Variants in MND1 observed in about 807,000 individuals in gnomAD.
MND1 encodes the protein meiotic nuclear divisions 1.
MND1 carries 28 observed loss-of-function variants against 35.1 expected under a neutral mutation model. The ratio of observed to expected loss-of-function variants is 0.80; its 90% CI spans 0.59 to 1.09. MND1 has a LOEUF of 1.09. MND1 is among the 50% of genes least tolerant of loss of function. MND1 has a pLI of 0.00. For synonymous variants in MND1, 69 were observed against 70.5 expected, an observed-to-expected ratio of 0.98 and a Z score of 0.11; for missense variants, 213 against 239.6, an observed-to-expected ratio of 0.89 and a Z score of 0.73.
chr4:153,371,252 A>G (rs115881541), intron 4 of MND1, among the ~76,000 whole-genome samples: 1 of 152,020 alleles, frequency 6.6e-6, no homozygotes, highest in East Asian at 1.9e-4. Flanking sequence ...TAGGGTTTTC[A>G]TTGAGCATTG....
chr4:153,358,042 T>C (rs1048131506), intron 3 of MND1, among the ~76,000 whole-genome samples: 2 of 152,204 alleles, frequency 1.3e-5, no homozygotes, highest in Admixed American at 6.5e-5. Flanking sequence ...TTCTGTAGTT[T>C]TGTTTTGCTT....
chr4:153,404,449 G>A lies in MND1; in HGVS notation c.467-4522G>A, dbSNP rs754128836. Reference sequence around the variant, plus strand: ...TTCGTGATCTGCCCGCCTCAGCCTCGCAAAGTTTGCGATTACAGGTGTGAG... The same window carrying A: ...TTCGTGATCTGCCCGCCTCAGCCTCACAAAGTTTGCGATTACAGGTGTGAG... On this transcript the variant is annotated intron_variant, in intron 6 of 7. Transcript: ENST00000240488. 9.4e-5 allele frequency among the ~76,000 whole-genome samples: 13 copies of A among 138,636 alleles called. No homozygotes were observed. In the South Asian group the frequency reaches 9.5e-4, roughly 10 times the overall value. The allele number at this position is 138,636 out of a possible 152,430, so 91.0% of individuals were successfully genotyped here.
intron 4 of MND1, among the ~76,000 whole-genome samples, chr4:153,392,327 G>A (rs1443634704): frequency 6.6e-6 from 1 of 151,946 alleles, no homozygotes. Flanking sequence ...GGATGGTCTC[G>A]ATCTCCTGAC....
intron 4 of MND1, among the ~76,000 whole-genome samples, chr4:153,378,856 A>G (rs1728582585): frequency 1.3e-5 from 2 of 152,208 alleles, no homozygotes; most frequent in South Asian, 4.1e-4. Flanking sequence ...CTCCCTTCTT[A>G]TAAGGGACTT....
At chr4:153,350,938 G>C (rs1011724433) in intron 2 of MND1, among the ~76,000 whole-genome samples, 15 of 140,728 alleles carry the variant, frequency 1.1e-4, no homozygotes, top group Admixed American at 1.1e-3. Flanking sequence ...TTCACTTTAA[G>C]GCAGATTCTT....
At chr4:153,365,830 C>A (rs559336361) in intron 4 of MND1, among the ~76,000 whole-genome samples, 15 of 151,992 alleles carry the variant, frequency 9.9e-5, no homozygotes, top group Non-Finnish European at 4.4e-5. Context: ...GGATTCTGGA[C>A]GTAGTTTGAA....
At chr4:153,404,053 GA>G (rs1729417277) in intron 6 of MND1, among the ~76,000 whole-genome samples, 1 of 151,674 alleles carries the variant, frequency 6.6e-6, no homozygotes, top group Non-Finnish European at 1.5e-5. Context: ...ACACTGGAGT[GA>G]AAATGTTTCA....
At chr4:153,404,893 A>AT (rs550516575) in intron 6 of MND1, among the ~76,000 whole-genome samples, 21 of 150,004 alleles carry the variant, frequency 1.4e-4, no homozygotes, top group Admixed American at 2.7e-4. Context: ...CACCTGGCTA[A>AT]TTTTTTTTTT....
intron 4 of MND1, among the ~76,000 whole-genome samples, chr4:153,369,381 A>G (rs1012239558): frequency 1.3e-5 from 2 of 152,224 alleles, no homozygotes; most frequent in Non-Finnish European, 2.9e-5. Flanking sequence ...GAGATTACAC[A>G]TGAGCATAAA....
chr4:153,359,779 C>CTTTTTT (rs34112305), intron 4 of MND1, among the ~76,000 whole-genome samples: 6 of 62,154 alleles, frequency 9.7e-5, no homozygotes, highest in African/African-American at 1.2e-4. Context: ...TTTGGAAGAT[C>CTTTTTT]TTTTTTTTTT....
At chr4:153,356,361 C>T (rs187256709) in intron 3 of MND1, among the ~76,000 whole-genome samples, 14 of 152,106 alleles carry the variant, frequency 9.2e-5, no homozygotes, top group African/African-American at 3.4e-4. Context: ...CAAGACCATC[C>T]TGCCTACTAA....
intron 7 of MND1, among the ~76,000 whole-genome samples, chr4:153,413,335 TA>T (rs1729741797): frequency 6.6e-6 from 1 of 152,168 alleles, no homozygotes; most frequent in African/African-American, 2.4e-5. Flanking sequence ...GTGAGTGTAA[TA>T]CATTTTCATC....
chr4:153,344,709 C>G lies in MND1; in HGVS notation c.-29C>G, dbSNP rs971183686. On this transcript the variant is annotated 5_prime_UTR_variant, in exon 1 of 8. Transcript: ENST00000240488. ...CCGCCCCTCTCCCCAAGCGCGGGCC[C>G]GGCCAGCGGAAGCCCCTGCGCCCGC... The G allele has an allele frequency of 1.5e-5, 23 of 1,584,502 alleles. No individual in the cohort carries two copies. The highest frequency in any genetic ancestry group is 1.9e-5 in the Non-Finnish European group (22 of 1,166,404).
chr4:153,362,541 G>A (rs1347163335), intron 4 of MND1, among the ~76,000 whole-genome samples: 1 of 152,178 alleles, frequency 6.6e-6, no homozygotes, highest in East Asian at 1.9e-4. Flanking sequence ...GCAGAAGCAT[G>A]AACCAATTAA....
intron 4 of MND1, among the ~76,000 whole-genome samples, chr4:153,359,040 T>C (rs1201920171): frequency 6.6e-6 from 1 of 152,210 alleles, no homozygotes; most frequent in East Asian, 1.9e-4. Context: ...TCAATATTGA[T>C]TTATTACTAA....
rs1456595148 is a variant in MND1, at chr4:153,415,004, T to C, written c.*147T>C. 9 of 409,878 alleles carry C rather than the reference T, an allele frequency of 2.2e-5. No homozygotes were observed. The East Asian group carries it at 3.4e-4, about 15-fold the overall frequency. The allele number at this position is 409,878 out of a possible 1,614,324, so 25.4% of individuals were successfully genotyped here. On this transcript the variant is annotated 3_prime_UTR_variant, in exon 8 of 8. Transcript: ENST00000240488. Reference sequence around the variant, plus strand: ...AATAAAGTGTAAAATGCAGATGTTCTTCACCCCTTTTGGTAGAACAAAAGC... The same window carrying C: ...AATAAAGTGTAAAATGCAGATGTTCCTCACCCCTTTTGGTAGAACAAAAGC...
intron 6 of MND1, among the ~76,000 whole-genome samples, chr4:153,406,838 C>T (rs757047952): frequency 1.3e-4 from 20 of 152,252 alleles, no homozygotes; most frequent in Admixed American, 6.5e-4. Context: ...TGGCAATTTA[C>T]AAAAGAAAGA....
chr4:153,383,691 T>C (rs984929673), intron 4 of MND1, among the ~76,000 whole-genome samples: 1 of 152,182 alleles, frequency 6.6e-6, no homozygotes, highest in Admixed American at 6.5e-5. Flanking sequence ...CTCCATCATG[T>C]CCTTATTACA....
chr4:153,362,229 T>G (rs113074151), intron 4 of MND1, among the ~76,000 whole-genome samples: 2,809 of 152,350 alleles, frequency 0.018, 100 homozygotes, highest in African/African-American at 0.064. Context: ...CATACTGATA[T>G]GGCTTGGATC....
Sources: gnomAD v4.1 joint callset for allele counts (sites outside exome capture counted in the v4.1 genomes callset) on GRCh38, gnomAD v4.1.1 for gene constraint, MANE v1.5 for transcripts, NCBI Gene and HGNC (gene_info 2026-07-23, HGNC 2026-07-21) for gene names.